Variants in RTL9 observed in about 807,000 individuals in gnomAD.
The protein encoded by RTL9 is retrotransposon Gag like 9.
In RTL9, 19 loss-of-function variants were observed where a neutral mutation model predicts 44.7. The observed-to-expected ratio is 0.42, with a 90% CI of 0.30 to 0.62. The LOEUF (loss-of-function observed/expected upper bound fraction) is 0.62. Among genes scored for constraint, RTL9 ranks in the 20% least tolerant of loss-of-function variants. The probability of loss-of-function intolerance (pLI) is 0.16; values close to 1 mark genes in which losing one functional copy is unlikely to be tolerated. For missense variants in RTL9, 1,105 were observed against 1,080.6 expected (o/e 1.02, Z -0.32); for synonymous variants, 407 against 398.9 (o/e 1.02, Z -0.24).
At chrX:110,367,973 AATTATTATTATTATTATTATTATT>A in intron 1 of RTL9, among the ~76,000 whole-genome samples, 1 of 85,326 alleles carries the variant, frequency 1.2e-5, no homozygotes, top group Admixed American at 1.4e-4. Context: ...AGTGCTGGCT[AATTATTATTATTATTATTATTATT>A]ATTATTATTA....
chrX:110,451,421 A>G, exon 1 of RTL9: 1 of 1,211,592 alleles, frequency 8.3e-7, no homozygotes, highest in South Asian at 1.8e-5. Context: ...CTGAAGCAAT[A>G]TCCTCACTGA....
rs2068944037 is a variant in RTL9, at chrX:110,451,869, G to C, written c.1252G>C (p.Ala418Pro). 2.5e-6 allele frequency: 3 copies of C among 1,211,904 alleles called. No individual in the cohort carries two copies. The African/African-American group carries it at 5.2e-5, about 21-fold the overall frequency. ...AGCAATGTCCACACCGCTAATGGGA[G>C]CCCCAGCCTCTGGAAATATGTCTAC... Residue 418 changes from alanine (A) to proline (P), a missense_variant, in exon 1 of 2, where the codon GCC becomes CCC. Physicochemically the swap from Ala to Pro is conservative, Grantham distance 27. Coordinates refer to ENST00000540313, the Ensembl canonical transcript of RTL9.
At chrX:110,441,664 C>A (rs186818357) in intron 1 of RTL9, among the ~76,000 whole-genome samples, 2 of 112,060 alleles carry the variant, frequency 1.8e-5, no homozygotes, top group East Asian at 5.6e-4. Flanking sequence ...ATCAAACTCA[C>A]TAATATTTCT....
At position 110,455,099 on chromosome X, in the gene RTL9, G is replaced by A. The variant is rs4517282; in HGVS notation, c.4048-103G>A. On this transcript the variant is annotated intron_variant, in intron 1 of 1. Coordinates refer to ENST00000540313, the Ensembl canonical transcript of RTL9. Reference sequence around the variant, plus strand: ...CACTGTATGCAAGTGAGATAAATTAGCAAAGTGTCTTGATCTGCTAAGTCA... The same window carrying A: ...CACTGTATGCAAGTGAGATAAATTAACAAAGTGTCTTGATCTGCTAAGTCA... 7 of 1,066,454 alleles carry A rather than the reference G, an allele frequency of 6.6e-6. No homozygotes were observed. In the South Asian group the frequency reaches 1.5e-4, roughly 23 times the overall value. 87.9% of individuals were successfully genotyped at this position (1,066,454 alleles called of 1,213,427 possible). A position where few individuals can be genotyped will look rare whatever the true frequency, so the allele number is the denominator to read the frequency against.
intron 1 of RTL9, among the ~76,000 whole-genome samples, chrX:110,441,829 T>G (rs2068882047): frequency 8.9e-6 from 1 of 112,049 alleles, no homozygotes; most frequent in African/African-American, 3.2e-5. Context: ...ATTTCGTGCA[T>G]GTAATGTACC....
At chrX:110,407,539 T>C (rs2068611380) in intron 1 of RTL9, among the ~76,000 whole-genome samples, 1 of 112,559 alleles carries the variant, frequency 8.9e-6, no homozygotes, top group African/African-American at 3.2e-5. Flanking sequence ...AGACATTCAT[T>C]ATTGTTGCCA....
At chrX:110,454,499 T>C (rs1217595060) in exon 1 of RTL9, 1 of 1,211,905 alleles carries the variant, frequency 8.3e-7, no homozygotes, top group Admixed American at 2.2e-5. Context: ...TGAAGGTGGC[T>C]GGCAGCCTAA....
At chrX:110,451,276 C>T (rs778692935) in exon 1 of RTL9, 2 of 1,211,601 alleles carry the variant, frequency 1.7e-6, no homozygotes, top group South Asian at 1.8e-5. Context: ...TCTACACAGC[C>T]AGTGCCAGCT....
intron 1 of RTL9, among the ~76,000 whole-genome samples, chrX:110,399,196 A>T (rs1204079630): frequency 8.9e-6 from 1 of 112,568 alleles, no homozygotes; most frequent in Non-Finnish European, 1.9e-5. Flanking sequence ...GCACTCTCCT[A>T]AGCACATTCC....
At chrX:110,432,874 T>A (rs1033897215) in intron 1 of RTL9, among the ~76,000 whole-genome samples, 2 of 112,943 alleles carry the variant, frequency 1.8e-5, no homozygotes, top group Non-Finnish European at 3.7e-5. Flanking sequence ...ACAGCTGCCA[T>A]GTCATGCATC....
upstream of RTL9, among the ~76,000 whole-genome samples, chrX:110,414,214 C>T (rs1365120326): frequency 8.9e-6 from 1 of 112,384 alleles, no homozygotes; most frequent in Non-Finnish European, 1.9e-5. Context: ...GTTGGTTAGT[C>T]CCACCAGAAA....
intron 1 of RTL9, among the ~76,000 whole-genome samples, chrX:110,376,183 G>A (rs187141517): frequency 9.0e-6 from 1 of 111,560 alleles, no homozygotes; most frequent in East Asian, 2.8e-4. Context: ...TACACCATAA[G>A]GATGCCTTTG....
intron 1 of RTL9, among the ~76,000 whole-genome samples, chrX:110,434,289 G>A (rs2068819869): frequency 9.0e-6 from 1 of 111,702 alleles, no homozygotes; most frequent in Non-Finnish European, 1.9e-5. Context: ...TGTTCTGTGA[G>A]CAAGAGGGAG....
upstream of RTL9, among the ~76,000 whole-genome samples, chrX:110,447,430 G>A (rs897844031): frequency 1.8e-5 from 2 of 110,707 alleles, no homozygotes; most frequent in African/African-American, 3.3e-5. Context: ...TTTGTAGTAA[G>A]AAAGTTTCCT....
At chrX:110,453,489 G>A (rs2068959959) in exon 1 of RTL9, 1 of 1,211,954 alleles carries the variant, frequency 8.3e-7, no homozygotes. Flanking sequence ...GAGAGCCCCG[G>A]CCTCTGGAAC....
rs772077605 is a variant in RTL9, at chrX:110,422,825, A to G, written c.-168+3690A>G. Among the ~76,000 whole-genome samples the G allele has an allele frequency of 1.7e-4, 19 of 112,338 alleles. No individual in the cohort carries two copies. The South Asian group carries it at 2.3e-3, about 13-fold the overall frequency. On this transcript the variant is annotated intron_variant, in intron 1 of 3. Transcript: ENST00000465301. ...CCCCAAACTCACCTGCTCCTTGAAA[A>G]TGCTATTCTGTTGCCTTGGCGAACA...
intron 1 of RTL9, among the ~76,000 whole-genome samples, chrX:110,409,688 T>C (rs774385267): frequency 2.0e-4 from 22 of 109,982 alleles, no homozygotes; most frequent in African/African-American, 4.3e-4. Flanking sequence ...ATAATACGTG[T>C]ACTCCTTCCT....
chrX:110,385,723 G>A (rs1368808551), intron 1 of RTL9, among the ~76,000 whole-genome samples: 2 of 111,743 alleles, frequency 1.8e-5, no homozygotes, highest in Non-Finnish European at 3.8e-5. Flanking sequence ...TGCTACATGG[G>A]TATATTGCAT....
At chrX:110,369,952 C>G (rs1385948843) in intron 1 of RTL9, among the ~76,000 whole-genome samples, 3 of 110,649 alleles carry the variant, frequency 2.7e-5, no homozygotes, top group Middle Eastern at 9.2e-3. Context: ...ACATGTATAT[C>G]TTTTAGCAGA....
Sources: gnomAD v4.1 joint callset for allele counts (sites outside exome capture counted in the v4.1 genomes callset) on GRCh38, gnomAD v4.1.1 for gene constraint, MANE v1.5 for transcripts, NCBI Gene and HGNC (gene_info 2026-07-23, HGNC 2026-07-21) for gene names.